The following SGCD variants were observed in gnomAD, a reference collection of about 807,000 sequenced individuals.
The protein encoded by SGCD is sarcoglycan delta.
A neutral mutation model predicts 36.6 loss-of-function variants in SGCD; 18 were observed. That is an observed-to-expected ratio of 0.49 (90% CI 0.34 to 0.73). The LOEUF (loss-of-function observed/expected upper bound fraction) is 0.73, where lower values mean the gene tolerates loss of function less well. SGCD is among the 30% of genes least tolerant of loss of function. SGCD has a pLI of 0.01. For synonymous variants in SGCD, 133 were observed against 130.6 expected (o/e 1.02, Z -0.12); for missense variants, 387 against 346.7 (o/e 1.12, Z -0.92).
intron 3 of SGCD, among the ~76,000 whole-genome samples, chr5:156,143,182 G>A (rs929692570): frequency 3.3e-5 from 5 of 152,242 alleles, no homozygotes; most frequent in Non-Finnish European, 7.3e-5. Flanking sequence ...GCTTCAAAGA[G>A]TGCAAACTGT....
chr5:155,809,454 G>A, the SGCD span, among the ~76,000 whole-genome samples: 11,997 of 152,204 alleles, frequency 0.079, 688 homozygotes, highest in Non-Finnish European at 0.12. Flanking sequence ...GAGTTATGTC[G>A]CCAGCTTTTT....
At chr5:155,791,429 A>T in the SGCD span, among the ~76,000 whole-genome samples, 1 of 152,158 alleles carries the variant, frequency 6.6e-6, no homozygotes, top group Non-Finnish European at 1.5e-5. Context: ...AGGCAAGAGA[A>T]AGAAATAAAA....
chr5:156,683,143 T>C (rs919047240), intron 7 of SGCD, among the ~76,000 whole-genome samples: 1 of 152,204 alleles, frequency 6.6e-6, no homozygotes, highest in African/African-American at 2.4e-5. Context: ...GATATATAGA[T>C]GTTTAGTTCC....
intron 6 of SGCD, among the ~76,000 whole-genome samples, chr5:156,603,940 A>G (rs1369688080): frequency 6.6e-6 from 1 of 151,938 alleles, no homozygotes; most frequent in African/African-American, 2.4e-5. Context: ...TAAGTCTAAT[A>G]TTTCTTTGTT....
At chr5:156,045,318 G>A (rs73812923) in intron 1 of SGCD, among the ~76,000 whole-genome samples, 21,416 of 152,040 alleles carry the variant, frequency 0.14, 1,774 homozygotes, top group Non-Finnish European at 0.19. Flanking sequence ...ATTTTACAGC[G>A]TAAGATAATA....
chr5:156,041,567 A>G (rs10052549), intron 1 of SGCD, among the ~76,000 whole-genome samples: 1,965 of 152,296 alleles, frequency 0.013, 17 homozygotes, highest in African/African-American at 0.031. Context: ...TTCATTTATC[A>G]TTCATCCATC....
intron 1 of SGCD, among the ~76,000 whole-genome samples, chr5:156,041,274 G>A (rs937266863): frequency 5.9e-5 from 9 of 152,206 alleles, no homozygotes; most frequent in African/African-American, 1.7e-4. Context: ...ACAGTCTAGC[G>A]TGCTGAGCCC....
At chr5:156,603,781 T>A (rs1228917598) in intron 6 of SGCD, among the ~76,000 whole-genome samples, 1 of 152,096 alleles carries the variant, frequency 6.6e-6, no homozygotes, top group Non-Finnish European at 1.5e-5. Flanking sequence ...ATAATCTTTA[T>A]CTTCTTTGTT....
Position 156,763,323 on chromosome 5 carries a change from T to A in SGCD, c.*3933T>A, listed in dbSNP as rs1757530816. On this transcript the variant is annotated 3_prime_UTR_variant, in exon 9 of 9. Transcript: ENST00000337851. ...ATAGTTTTGACTTAACATGTCTGTT[T>A]AGCCCACATCACGTCAGTTATCAAC... 2 of 152,676 alleles carry A rather than the reference T, an allele frequency of 1.3e-5. No individual in the cohort carries two copies. Among genetic ancestry groups the A allele is most frequent in the South Asian group, 4.1e-4 (2 of 4,826 alleles). 9.5% of individuals were successfully genotyped at this position (152,676 alleles called of 1,614,324 possible).
the SGCD span, among the ~76,000 whole-genome samples, chr5:155,781,663 G>A: frequency 6.6e-6 from 1 of 151,932 alleles, no homozygotes; most frequent in East Asian, 1.9e-4. Context: ...TAGAGACGGG[G>A]TTTTGCTATG....
At chr5:156,570,435 C>T (rs1330544089) in intron 4 of SGCD, among the ~76,000 whole-genome samples, 2 of 152,154 alleles carry the variant, frequency 1.3e-5, no homozygotes, top group Non-Finnish European at 2.9e-5. Flanking sequence ...AAATTTAATG[C>T]TAGCATTTGC....
chr5:156,454,389 T>C (rs1754161915), intron 3 of SGCD, among the ~76,000 whole-genome samples: 1 of 152,140 alleles, frequency 6.6e-6, no homozygotes, highest in South Asian at 2.1e-4. Context: ...AAGGAAACTT[T>C]CCATAGTACC....
At chr5:156,375,462 T>C (rs758872492) in intron 3 of SGCD, among the ~76,000 whole-genome samples, 5 of 149,864 alleles carry the variant, frequency 3.3e-5, no homozygotes, top group South Asian at 2.1e-4. Flanking sequence ...TATGGTCTTG[T>C]GGTCTGGCTC....
At chr5:155,993,795 A>G (rs1259057016) in intron 1 of SGCD, among the ~76,000 whole-genome samples, 1 of 152,134 alleles carries the variant, frequency 6.6e-6, no homozygotes, top group Non-Finnish European at 1.5e-5. Context: ...ATGGTGGCTG[A>G]GCCCTAGAAC....
chr5:156,656,474 G>A (rs148473223), intron 7 of SGCD, among the ~76,000 whole-genome samples: 95 of 152,096 alleles, frequency 6.2e-4, no homozygotes, highest in Middle Eastern at 3.4e-3. Context: ...CAACAAATAG[G>A]TCTTATAATT....
chr5:156,579,511 G>T (rs1044399783), intron 4 of SGCD, among the ~76,000 whole-genome samples: 11 of 152,072 alleles, frequency 7.2e-5, no homozygotes, highest in Non-Finnish European at 1.3e-4. Context: ...TGACAGTGGG[G>T]TGTTAAAGTA....
chr5:156,300,200 CATTAG>C lies in SGCD; in HGVS notation c.-43-29329_-43-29325del, dbSNP rs201643604. ...TCAACTAAAATGATTTAAAATACAT[CATTAG>C]ATTATGTAAGTGTTTCCTTTTATTT... On this transcript the variant is annotated intron_variant, in intron 3 of 9. Transcript: ENST00000517913. Among the ~76,000 whole-genome samples, 680 of 152,090 alleles carry C rather than the reference CATTAG, an allele frequency of 4.5e-3. 5 individuals are homozygous for C. The highest frequency in any genetic ancestry group is 0.016 in the African/African-American group (651 of 41,560).
chr5:155,792,518 C>T, the SGCD span, among the ~76,000 whole-genome samples: 2 of 148,638 alleles, frequency 1.3e-5, no homozygotes, highest in Non-Finnish European at 3.0e-5. Flanking sequence ...CGATAACAGT[C>T]TAATATCCAG....
At chr5:155,844,520 T>A in the SGCD span, among the ~76,000 whole-genome samples, 1 of 151,794 alleles carries the variant, frequency 6.6e-6, no homozygotes, top group African/African-American at 2.4e-5. Flanking sequence ...GAAAGAAGTA[T>A]AATTTATTAA....
Sources: allele counts gnomAD v4.1 joint callset (sites outside exome capture counted in the v4.1 genomes callset), GRCh38; gene constraint gnomAD v4.1.1; transcripts MANE v1.5; gene names NCBI Gene and HGNC (gene_info 2026-07-23, HGNC 2026-07-21).